Variants in DCC observed in about 807,000 individuals in gnomAD.
DCC encodes DCC netrin 1 receptor.
A neutral mutation model predicts 172.5 loss-of-function variants in DCC; 58 were observed. The observed-to-expected ratio is 0.34, with a 90% CI of 0.27 to 0.42. The LOEUF is 0.42. DCC is among the 10% of genes least tolerant of loss of function. The probability of loss-of-function intolerance (pLI) is 1.00; values close to 1 mark genes in which losing one functional copy is unlikely to be tolerated. For missense variants in DCC, 1,740 were observed against 1,791.0 expected (o/e 0.97, Z 0.51); for synonymous variants, 709 against 644.5 (o/e 1.10, Z -1.52).
At chr18:52,861,140 C>T (rs1250538103) in intron 2 of DCC, among the ~76,000 whole-genome samples, 2 of 152,048 alleles carry the variant, frequency 1.3e-5, no homozygotes, top group Admixed American at 1.3e-4. Context: ...GTGCCCGTAA[C>T]ACTTACATGA....
chr18:53,319,571 A>G (rs567640356), intron 13 of DCC, among the ~76,000 whole-genome samples: 19 of 152,374 alleles, frequency 1.2e-4, no homozygotes, highest in African/African-American at 4.3e-4. Context: ...AAACAGGTAT[A>G]TCAGTCAGAT....
chr18:52,414,392 C>A (rs1161076398), intron 1 of DCC, among the ~76,000 whole-genome samples: 3 of 152,112 alleles, frequency 2.0e-5, no homozygotes, highest in Non-Finnish European at 4.4e-5. Context: ...AATATGAATT[C>A]TCTTTTCCAT....
intron 25 of DCC, among the ~76,000 whole-genome samples, chr18:53,478,526 G>C (rs1393336): frequency 0.86 from 130,444 of 152,076 alleles, 56,173 homozygotes; most frequent in Non-Finnish European, 0.88. Context: ...TTATATATTT[G>C]TCACTTACCT....
At chr18:52,370,650 A>T (rs1335107389) in intron 1 of DCC, among the ~76,000 whole-genome samples, 3 of 152,178 alleles carry the variant, frequency 2.0e-5, no homozygotes, top group African/African-American at 7.2e-5. Flanking sequence ...TGTGCAGCAA[A>T]CCACCACGAC....
At chr18:53,321,001 C>A (rs1398518282) in intron 13 of DCC, among the ~76,000 whole-genome samples, 1 of 152,134 alleles carries the variant, frequency 6.6e-6, no homozygotes, top group African/African-American at 2.4e-5. Flanking sequence ...TGTTCCTTGA[C>A]AATAACTAAT....
chr18:53,350,700 A>T (rs951500578), intron 15 of DCC, among the ~76,000 whole-genome samples: 2 of 152,086 alleles, frequency 1.3e-5, no homozygotes, highest in African/African-American at 4.8e-5. Context: ...AGATTTTGAA[A>T]AAAGTCACTA....
chr18:53,136,261 A>T (rs2043741171), intron 7 of DCC, among the ~76,000 whole-genome samples: 2 of 152,008 alleles, frequency 1.3e-5, no homozygotes, highest in Admixed American at 6.6e-5. Flanking sequence ...ACACACATAC[A>T]TACACACTAG....
In DCC at chr18:53,351,927, T is replaced by C. The variant is rs571051051; in HGVS notation, c.2359+12020T>C. 2.6e-5 allele frequency among the ~76,000 whole-genome samples: 4 copies of C among 151,954 alleles called. No individual in the cohort carries two copies. In the South Asian group the frequency reaches 8.3e-4, roughly 31 times the overall value. On this transcript the variant is annotated intron_variant, in intron 15 of 28. Coordinates refer to ENST00000442544, the MANE Select transcript of DCC (RefSeq NM_005215.4). The stretch of plus-strand genomic sequence containing the variant: ...TAAGACAGAGAAATAACTAAGTAAA[T>C]AGGAAAAGCCCAAGCTATTTTGTTA...
intron 1 of DCC, among the ~76,000 whole-genome samples, chr18:52,365,033 C>CAA (rs60085981): frequency 1.9e-4 from 29 of 149,228 alleles, no homozygotes; most frequent in African/African-American, 5.9e-4. Flanking sequence ...TTTTAGGAGA[C>CAA]AAAAAAAAAT....
At chr18:53,192,031 A>C (rs1462230066) in intron 9 of DCC, among the ~76,000 whole-genome samples, 1 of 152,210 alleles carries the variant, frequency 6.6e-6, no homozygotes, top group Non-Finnish European at 1.5e-5. Context: ...TGTGGTTAAT[A>C]AACTTCTTAT....
intron 7 of DCC, among the ~76,000 whole-genome samples, chr18:53,093,515 C>G (rs771223910): frequency 1.5e-4 from 23 of 152,232 alleles, no homozygotes; most frequent in Admixed American, 7.8e-4. Flanking sequence ...GTTTTGAACT[C>G]TGACCCCCTA....
chr18:52,466,226 C>T (rs1425838114), intron 1 of DCC, among the ~76,000 whole-genome samples: 1 of 152,082 alleles, frequency 6.6e-6, no homozygotes, highest in Non-Finnish European at 1.5e-5. Flanking sequence ...TTCCATGCTC[C>T]TCAAAAAGGG....
At chr18:53,105,120 C>T (rs917051598) in intron 7 of DCC, among the ~76,000 whole-genome samples, 1 of 151,948 alleles carries the variant, frequency 6.6e-6, no homozygotes, top group African/African-American at 2.4e-5. Context: ...CCTTAGATTT[C>T]TAGATCTTGG....
intron 25 of DCC, among the ~76,000 whole-genome samples, chr18:53,473,445 G>C (rs1264765281): frequency 6.6e-6 from 1 of 152,046 alleles, no homozygotes; most frequent in East Asian, 1.9e-4. Flanking sequence ...TTTTTTGTCA[G>C]TTATAAATAG....
At chr18:53,171,696 A>T (rs1171173186) in intron 8 of DCC, among the ~76,000 whole-genome samples, 1 of 152,058 alleles carries the variant, frequency 6.6e-6, no homozygotes, top group Non-Finnish European at 1.5e-5. Context: ...CCTTTCCTTT[A>T]AAGTATACCT....
intron 21 of DCC, among the ~76,000 whole-genome samples, chr18:53,426,292 AAT>A (rs1341373561): frequency 3.3e-5 from 4 of 120,914 alleles, no homozygotes; most frequent in Admixed American, 8.7e-5. Flanking sequence ...ACATATTTAT[AAT>A]ATATATTTAT....
rs896168838 is a variant in DCC, at chr18:53,450,569, T to C, written c.3299T>C (p.Val1100Ala). The change falls in exon 23 of 29, where the codon GTG becomes GCG. Residue 1100 changes from valine (V) to alanine (A), a missense_variant. By Grantham distance (64) the Val-to-Ala change is moderately conservative. Around this residue, in one of 2 missense-constraint regions of DCC, gnomAD observed 1,732 missense variants for 1,767.4 expected, o/e 0.98. Coordinates refer to ENST00000442544, the MANE Select transcript of DCC (RefSeq NM_005215.4). ...VTPQKNSNLL[V>A]IIVVTVGVIT... The stretch of plus-strand genomic sequence containing the variant: ...CCTCAGAAGAACAGCAACCTGCTTG[T>C]GATCATTGTGGTCACCGTTGGTGTC... 10 of 1,614,048 alleles carry C rather than the reference T, an allele frequency of 6.2e-6. No homozygotes were observed. Among genetic ancestry groups the C allele is most frequent in the Non-Finnish European group, 8.5e-6 (10 of 1,179,982 alleles).
chr18:52,782,790 T>C (rs73955987), intron 2 of DCC, among the ~76,000 whole-genome samples: 11,715 of 152,086 alleles, frequency 0.077, 1,499 homozygotes, highest in African/African-American at 0.27. Context: ...TCCCCAATAA[T>C]CTGTTAAGTG....
intron 12 of DCC, among the ~76,000 whole-genome samples, chr18:53,271,301 T>C (rs1412688968): frequency 6.6e-6 from 1 of 152,150 alleles, no homozygotes; most frequent in Non-Finnish European, 1.5e-5. Flanking sequence ...GAGGAAGCAA[T>C]ATGTAATACT....
Sources: allele counts gnomAD v4.1 joint callset (sites outside exome capture counted in the v4.1 genomes callset), GRCh38; gene constraint gnomAD v4.1.1; regional missense constraint gnomAD v4.1.1; transcripts MANE v1.5; gene names NCBI Gene and HGNC (gene_info 2026-07-23, HGNC 2026-07-21).